The following ZNF326 variants were observed in gnomAD, a reference collection of about 807,000 sequenced individuals.
ZNF326 encodes DBIRD complex subunit ZNF326.
Under a neutral mutation model 63.1 loss-of-function variants are expected in ZNF326, and 30 were observed. That is an observed-to-expected ratio of 0.48 (90% CI 0.36 to 0.64). The LOEUF (loss-of-function observed/expected upper bound fraction) is 0.64, where lower values mean the gene tolerates loss of function less well. Among genes scored for constraint, ZNF326 ranks in the 30% least tolerant of loss-of-function variants. The pLI is 0.00. For synonymous variants in ZNF326, 194 were observed against 228.2 expected (o/e 0.85, Z 1.35); for missense variants, 609 against 720.3 (o/e 0.85, Z 1.77).
chr1:90,022,012 A>G (rs942953459), intron 10 of ZNF326, among the ~76,000 whole-genome samples: 1 of 152,132 alleles, frequency 6.6e-6, no homozygotes. Context: ...ATCTAGTAGA[A>G]TCTAGACTTG....
chr1:90,028,334 G>C lies in ZNF326; in HGVS notation c.*633G>C, dbSNP rs1468296596. 3 of 149,158 alleles carry C rather than the reference G, an allele frequency of 2.0e-5. No individual in the cohort carries two copies. Among genetic ancestry groups the C allele is most frequent in the African/African-American group, 7.5e-5 (3 of 40,186 alleles). The allele number at this position is 149,158 out of a possible 1,614,324, so 9.2% of individuals were successfully genotyped here. On this transcript the variant is annotated 3_prime_UTR_variant, in exon 12 of 12. Transcript: ENST00000340281. Reference sequence around the variant, plus strand: ...TCAGTTCAGCTCACAAGTATTTTAAGATGATTGAGAAGACTTGAATTAAAG... The same window carrying C: ...TCAGTTCAGCTCACAAGTATTTTAACATGATTGAGAAGACTTGAATTAAAG...
chr1:90,028,786 T>C lies in ZNF326; in HGVS notation c.*1085T>C, dbSNP rs1650139885. 6.6e-6 allele frequency: 1 copy of C among 152,074 alleles called. No individual in the cohort carries two copies. 9.4% of individuals were successfully genotyped at this position (152,074 alleles called of 1,614,324 possible). ...GTAGTGCTCTTATTTTTTTCAATCTTTACTGTGGCCTCTTTTGAGAGTAGG... is the reference window on the plus strand; with the variant it reads ...GTAGTGCTCTTATTTTTTTCAATCTCTACTGTGGCCTCTTTTGAGAGTAGG... On this transcript the variant is annotated 3_prime_UTR_variant, in exon 12 of 12. Coordinates refer to ENST00000340281, the MANE Select transcript of ZNF326 (RefSeq NM_182976.4).
intron 4 of ZNF326, chr1:90,005,819 C>G: frequency 1.0e-6 from 1 of 985,344 alleles, no homozygotes; most frequent in South Asian, 4.7e-5. Flanking sequence ...CTACTTACAC[C>G]AAAGCACTTG....
intron 7 of ZNF326, 141 bp from the exon 8 acceptor site, chr1:90,017,176 T>C: frequency 3.1e-6 from 2 of 653,722 alleles, no homozygotes; most frequent in Non-Finnish European, 4.8e-6. Flanking sequence ...TTTTTGGATT[T>C]AAGCTAAGTT....
In ZNF326 at chr1:90,027,428, G is replaced by A; in HGVS notation, c.1476G>A (p.Lys492=). 6.2e-7 allele frequency: 1 copy of A among 1,614,010 alleles called. No homozygotes were observed. Among genetic ancestry groups the A allele is most frequent in the Non-Finnish European group, 8.5e-7 (1 of 1,179,960 alleles). ...QIEGDEEDEE[K]IDEPIEEEED... ...AAGGAGATGAGGAGGATGAAGAGAA[G>A]ATTGATGAACCTATTGAAGAAGAGG... Residue 492 remains lysine (K), a synonymous_variant, in exon 12 of 12, where the codon AAG becomes AAA. Transcript: ENST00000340281.
intron 1 of ZNF326, among the ~76,000 whole-genome samples, chr1:89,995,677 C>T (rs897564020): frequency 6.6e-6 from 1 of 152,240 alleles, no homozygotes; most frequent in Non-Finnish European, 1.5e-5. Context: ...CCAGACCGTC[C>T]GTTTAGTTAA....
intron 2 of ZNF326, among the ~76,000 whole-genome samples, chr1:90,003,234 C>T (rs1334953687): frequency 2.0e-5 from 3 of 151,856 alleles, no homozygotes; most frequent in African/African-American, 7.3e-5. Context: ...GGGTTCATGC[C>T]ATTCTCCTGC....
Position 90,007,342 on chromosome 1 carries a change from C to T in ZNF326, c.210-3C>T, listed in dbSNP as rs766086498. 247 of 1,563,042 alleles carry T rather than the reference C, an allele frequency of 1.6e-4. No individual in the cohort carries two copies. Among genetic ancestry groups the T allele is most frequent in the Non-Finnish European group, 2.1e-4 (242 of 1,153,870 alleles). ...TTTTTCCCTCACTGTGCAACTTTTC[C>T]AGGTTTGGACCTTATGAGTCTTACG... is the stretch of plus-strand genomic sequence containing the variant. On this transcript the variant is annotated splice_polypyrimidine_tract_variant and splice_region_variant and intron_variant, in intron 4 of 11. Coordinates refer to ENST00000340281, the MANE Select transcript of ZNF326 (RefSeq NM_182976.4). This position sits in a 1 kb window ranked among gnomAD's most constrained non-coding sequence, Gnocchi z 4.9.
rs1417102067 is a variant in ZNF326, at chr1:90,034,123, G to A, written c.*6422G>A. 6.6e-6 allele frequency: 1 copy of A among 152,136 alleles called. No homozygotes were observed. Among genetic ancestry groups the A allele is most frequent in the Non-Finnish European group, 1.5e-5 (1 of 68,000 alleles). 9.4% of individuals were successfully genotyped at this position (152,136 alleles called of 1,614,324 possible). ...CTATAAGGGGAAAAGAATCACATTG[G>A]TCTCAGACTTGTCATCTGTTCGTTG... On this transcript the variant is annotated 3_prime_UTR_variant, in exon 12 of 12. Coordinates refer to ENST00000340281, the MANE Select transcript of ZNF326 (RefSeq NM_182976.4).
rs1306318235 is a variant in ZNF326, at chr1:90,031,261, C to T, written c.*3560C>T. On this transcript the variant is annotated 3_prime_UTR_variant, in exon 12 of 12. Transcript: ENST00000340281. The stretch of plus-strand genomic sequence containing the variant: ...TAAGTTAGTAGGAGTAGTAATTTTC[C>T]CATATAATAAGCCCACTCTTGTACA... 1 of 152,042 alleles carries T rather than the reference C, an allele frequency of 6.6e-6. No individual in the cohort carries two copies. The highest frequency in any genetic ancestry group is 6.6e-5 in the Admixed American group (1 of 15,256). The allele number at this position is 152,042 out of a possible 1,614,324, so 9.4% of individuals were successfully genotyped here. A position where few individuals can be genotyped will look rare whatever the true frequency, so the allele number is the denominator to read the frequency against.
chr1:90,023,381 C>G (rs1300473753), intron 11 of ZNF326, among the ~76,000 whole-genome samples: 6 of 152,170 alleles, frequency 3.9e-5, no homozygotes, highest in Admixed American at 2.6e-4. Flanking sequence ...CTCTTAACAG[C>G]TACTCTGTGA....
At chr1:90,005,867 A>G (rs1004096223) in intron 4 of ZNF326, 39 of 985,370 alleles carry the variant, frequency 4.0e-5, no homozygotes, top group African/African-American at 7.0e-5. Flanking sequence ...AGCCATGAAT[A>G]CTATACCTTT....
rs527515228 is a variant in ZNF326 at position 89,998,095 on chromosome 1, A to T, written c.17-15A>T. 7.0e-5 allele frequency: 113 copies of T among 1,609,164 alleles called. 1 individual carries two copies. In the South Asian group the frequency reaches 1.2e-3, roughly 18 times the overall value. On this transcript the variant is annotated splice_polypyrimidine_tract_variant and intron_variant, in intron 1 of 11. Transcript: ENST00000340281. ...ATATCACACTAATTCCTTTTTGTTA[A>T]ATGTGTCTTCATAGATTACACACAC... is the stretch of plus-strand genomic sequence containing the variant.
intron 2 of ZNF326, among the ~76,000 whole-genome samples, chr1:90,001,557 T>TA (rs1228362448): frequency 2.7e-5 from 4 of 149,592 alleles, no homozygotes; most frequent in Non-Finnish European, 5.9e-5. Context: ...AGTTTTTAAT[T>TA]TTTTTTTTTT....
Position 90,001,136 on chromosome 1 carries a change from T to C in ZNF326, c.61+2982T>C, listed in dbSNP as rs79273161. Among the ~76,000 whole-genome samples the C allele has an allele frequency of 6.6e-3, 1,011 of 152,288 alleles. 11 individuals carry two copies. Among genetic ancestry groups the C allele is most frequent in the African/African-American group, 0.023 (956 of 41,552 alleles). ...AGCAGCCTCCTTGGCCTCTATAATA[T>C]GCCAGATGTCAGTAGCATCTGCCCC... On this transcript the variant is annotated intron_variant, in intron 2 of 11. Transcript: ENST00000340281.
intron 11 of ZNF326, 70 bp from the exon 12 acceptor site, chr1:90,027,284 A>G: frequency 6.9e-7 from 1 of 1,442,410 alleles, no homozygotes; most frequent in Admixed American, 2.1e-5. Context: ...TATGGCAAGT[A>G]AAAATTTCAC....
At position 90,027,577 on chromosome 1, in the gene ZNF326, G is replaced by A; in HGVS notation, c.1625G>A (p.Gly542Glu). 1 of 1,610,094 alleles carries A rather than the reference G, an allele frequency of 6.2e-7. No homozygotes were observed. The change falls in exon 12 of 12, where the codon GGG becomes GAG. Residue 542 changes from glycine (G) to glutamate (E), a missense_variant. Physicochemically the swap from Gly to Glu is moderately conservative, Grantham distance 98. Transcript: ENST00000340281. Reference sequence around the variant, plus strand: ...AATATACAGGGAGTAGGGGAAGGAGGGGAAGTAGGGGTAGTGGGAGAAGTA... The same window carrying A: ...AATATACAGGGAGTAGGGGAAGGAGAGGAAGTAGGGGTAGTGGGAGAAGTA... The part of the protein sequence containing the change: ...EGNIQGVGEG[G>E]EVGVVGEVEG...
In ZNF326 at chr1:90,005,029, T is replaced by A; in HGVS notation, c.88T>A (p.Ser30Thr). Residue 30 changes from serine (S) to threonine (T), a missense_variant, in exon 3 of 12, where the codon TCT (serine) becomes ACT (threonine). This residue lies in a region of ZNF326 where 97 missense variants were observed against 88.7 expected (regional missense o/e 1.09). Transcript: ENST00000340281. ...AATGGATCGTGATTATGGCCCTGGA[T>A]CTTATGGAGGTCTGACATTCAAGGA... ...NGMDRDYGPG[S>T]YGGMDRDYGH... The A allele has an allele frequency of 1.9e-6, 3 of 1,614,034 alleles. No individual in the cohort carries two copies. The highest frequency in any genetic ancestry group is 1.7e-6 in the Non-Finnish European group (2 of 1,179,974).
Position 90,033,538 on chromosome 1 carries a change from T to C in ZNF326, c.*5837T>C, listed in dbSNP as rs183854439. The C allele has an allele frequency of 3.7e-4, 56 of 152,330 alleles. No homozygotes were observed. The highest frequency in any genetic ancestry group is 1.3e-3 in the African/African-American group (54 of 41,582). 9.4% of individuals were successfully genotyped at this position (152,330 alleles called of 1,614,324 possible). A position where few individuals can be genotyped will look rare whatever the true frequency, so the allele number is the denominator to read the frequency against. On this transcript the variant is annotated 3_prime_UTR_variant, in exon 12 of 12. Coordinates refer to ENST00000340281, the MANE Select transcript of ZNF326 (RefSeq NM_182976.4). ...GAGGTTATTGTACTAATTTTAAAAATGCAAGTTGCTATAAAGAAGTATCTT... is the reference window on the plus strand; with the variant it reads ...GAGGTTATTGTACTAATTTTAAAAACGCAAGTTGCTATAAAGAAGTATCTT...
Sources: allele counts gnomAD v4.1 joint callset (sites outside exome capture counted in the v4.1 genomes callset), GRCh38; gene constraint gnomAD v4.1.1; regional missense constraint gnomAD v4.1.1; non-coding constraint Gnocchi (gnomAD v3.1); transcripts MANE v1.5; gene names NCBI Gene and HGNC (gene_info 2026-07-23, HGNC 2026-07-21).